Variants in NRXN3 observed in about 807,000 individuals in gnomAD.
The protein encoded by NRXN3 is neurexin III.
Under a neutral mutation model 137.6 loss-of-function variants are expected in NRXN3, and 32 were observed. The observed-to-expected ratio is 0.23, with a 90% CI of 0.18 to 0.31. The LOEUF is 0.31. Ranked by LOEUF, NRXN3 falls within the 10% of genes least tolerant of loss-of-function variation. The pLI, the probability that NRXN3 is intolerant of heterozygous loss-of-function variation, is 1.00. For missense variants in NRXN3, 1,574 were observed against 2,062.5 expected (o/e 0.76, Z 4.59); for synonymous variants, 798 against 784.5 (o/e 1.02, Z -0.29).
intron 16 of NRXN3, among the ~76,000 whole-genome samples, chr14:79,550,095 G>A (rs571381115): frequency 2.4e-4 from 36 of 151,906 alleles, no homozygotes; most frequent in Admixed American, 1.4e-3. Flanking sequence ...TCAGCCTCCC[G>A]AATAGCTGGG....
chr14:78,896,087 C>T (rs188457960), intron 10 of NRXN3, among the ~76,000 whole-genome samples: 2 of 151,940 alleles, frequency 1.3e-5, no homozygotes, highest in East Asian at 3.9e-4. Flanking sequence ...GATTGACTTG[C>T]TCAACCAACG....
chr14:78,173,286 T>C (rs182382017), intron 1 of NRXN3, among the ~76,000 whole-genome samples: 2 of 151,892 alleles, frequency 1.3e-5, no homozygotes, highest in East Asian at 1.9e-4. Flanking sequence ...TATTCTTCAA[T>C]TGGCCTTTTA....
chr14:78,300,324 C>A (rs974783949), intron 4 of NRXN3, among the ~76,000 whole-genome samples: 1 of 152,216 alleles, frequency 6.6e-6, no homozygotes. Context: ...ATTTCACATA[C>A]ATGTGGCTGT....
rs17107735 is a variant in NRXN3, at chr14:78,482,703, C to T, written c.758-162417C>T. Among the ~76,000 whole-genome samples, 873 of 152,262 alleles carry T rather than the reference C, an allele frequency of 5.7e-3. 42 individuals are homozygous for T. The East Asian group carries it at 0.097, about 17-fold the overall frequency. On this transcript the variant is annotated intron_variant, in intron 4 of 20. Transcript: ENST00000335750. ...GTTTTGACAGAAAGAATAGACAATA[C>T]GACTACAAGCATAGTGACCTTCTGG...
chr14:78,419,986 C>CACACACACA (rs10676901), intron 4 of NRXN3, among the ~76,000 whole-genome samples: 2,786 of 150,208 alleles, frequency 0.019, 42 homozygotes, highest in African/African-American at 0.043. Context: ...CACACACACA[C>CACACACACA]GTAAAGTCCT....
chr14:78,334,993 T>C (rs1046000584), intron 4 of NRXN3, among the ~76,000 whole-genome samples: 2 of 152,116 alleles, frequency 1.3e-5, no homozygotes, highest in African/African-American at 4.8e-5. Flanking sequence ...GGAGGTGGAT[T>C]GAAGGTGGGT....
At chr14:78,948,708 A>T (rs1341194608) in intron 10 of NRXN3, among the ~76,000 whole-genome samples, 1 of 142,410 alleles carries the variant, frequency 7.0e-6, no homozygotes, top group Admixed American at 7.8e-5. Context: ...CAAATACTTT[A>T]AAGAAAGCCC....
At chr14:78,884,038 A>C (rs184604693) in intron 10 of NRXN3, among the ~76,000 whole-genome samples, 71 of 152,286 alleles carry the variant, frequency 4.7e-4, no homozygotes, top group African/African-American at 1.5e-3. Context: ...TTTTTGTATA[A>C]TGCTAATGTA....
intron 16 of NRXN3, among the ~76,000 whole-genome samples, chr14:79,546,315 A>G (rs1488727963): frequency 6.6e-6 from 1 of 152,210 alleles, no homozygotes; most frequent in Non-Finnish European, 1.5e-5. Flanking sequence ...TTATGTTTAC[A>G]TAAAATAAGG....
At chr14:78,450,492 C>T (rs1225053263) in intron 4 of NRXN3, among the ~76,000 whole-genome samples, 1 of 152,170 alleles carries the variant, frequency 6.6e-6, no homozygotes, top group African/African-American at 2.4e-5. Flanking sequence ...TCCCATTCCT[C>T]CCCTAAAGCC....
At chr14:78,759,257 A>G (rs2098682469) in intron 8 of NRXN3, among the ~76,000 whole-genome samples, 1 of 152,228 alleles carries the variant, frequency 6.6e-6, no homozygotes, top group South Asian at 2.1e-4. Flanking sequence ...TGTTGGTAAT[A>G]GGTAGTGATA....
intron 1 of NRXN3, among the ~76,000 whole-genome samples, chr14:78,213,339 T>C (rs889693489): frequency 6.6e-6 from 1 of 152,096 alleles, no homozygotes; most frequent in Non-Finnish European, 1.5e-5. Context: ...CAAAACAGGA[T>C]TGATTAGACA....
At chr14:79,699,443 G>T (rs547695883) in intron 19 of NRXN3, among the ~76,000 whole-genome samples, 52 of 152,068 alleles carry the variant, frequency 3.4e-4, no homozygotes, top group African/African-American at 1.2e-3. Context: ...TTCTTCATAG[G>T]AATGGCTGGT....
intron 15 of NRXN3, among the ~76,000 whole-genome samples, chr14:79,407,121 C>T (rs962829546): frequency 2.6e-5 from 4 of 152,106 alleles, no homozygotes; most frequent in Non-Finnish European, 5.9e-5. Flanking sequence ...GGTTTCCTCT[C>T]AGGAGGCATG....
At chr14:78,226,011 G>GTGTT in intron 1 of NRXN3, among the ~76,000 whole-genome samples, 1 of 149,578 alleles carries the variant, frequency 6.7e-6, no homozygotes, top group Middle Eastern at 3.5e-3. Context: ...GTGTGTGTGT[G>GTGTT]TGTGTGTTTT....
At chr14:79,045,528 T>TAGA (rs945664179) in intron 15 of NRXN3, among the ~76,000 whole-genome samples, 16 of 151,888 alleles carry the variant, frequency 1.1e-4, no homozygotes, top group African/African-American at 3.9e-4. Flanking sequence ...CTAAACCACC[T>TAGA]AGAACAAAGG....
At position 78,927,922 on chromosome 14, in the gene NRXN3, A is replaced by G. The variant is rs190097074; in HGVS notation, c.2276-29320A>G. On this transcript the variant is annotated intron_variant, in intron 10 of 20. Coordinates refer to ENST00000335750, the MANE Select transcript of NRXN3 (RefSeq NM_001330195.2). ...CAAATGAGTGCCTGCCTGAGTCTCT[A>G]TATCTGAGGGAGTCCTCTGCCTGGG... 1.8e-3 allele frequency among the ~76,000 whole-genome samples: 268 copies of G among 152,170 alleles called. 1 individual carries two copies. Among genetic ancestry groups the G allele is most frequent in the African/African-American group, 5.8e-3 (239 of 41,520 alleles).
chr14:79,411,393 C>T (rs947019525), intron 15 of NRXN3, among the ~76,000 whole-genome samples: 17 of 152,092 alleles, frequency 1.1e-4, no homozygotes, highest in Non-Finnish European at 1.5e-5. Context: ...TGCAATCATC[C>T]TACATGTAGT....
intron 4 of NRXN3, among the ~76,000 whole-genome samples, chr14:78,375,309 C>T (rs1476298419): frequency 6.6e-6 from 1 of 152,230 alleles, no homozygotes; most frequent in Non-Finnish European, 1.5e-5. Context: ...CAACATGGCA[C>T]ATATTTATTT....
Sources: gnomAD v4.1 joint callset for allele counts (sites outside exome capture counted in the v4.1 genomes callset) on GRCh38, gnomAD v4.1.1 for gene constraint, MANE v1.5 for transcripts, NCBI Gene and HGNC (gene_info 2026-07-23, HGNC 2026-07-21) for gene names.